ADAMTSL3: variants seen among roughly 807,000 people sequenced by gnomAD.
The protein encoded by ADAMTSL3 is ADAMTS like 3, also known as ADAMTS-like protein 3.
Under a neutral mutation model 201.7 loss-of-function variants are expected in ADAMTSL3, and 128 were observed. The observed-to-expected ratio is 0.63, with a 90% CI of 0.55 to 0.73. ADAMTSL3 has a LOEUF of 0.73. Among genes scored for constraint, ADAMTSL3 ranks in the 30% least tolerant of loss-of-function variants. The pLI, the probability that ADAMTSL3 is intolerant of heterozygous loss-of-function variation, is 0.00. For synonymous variants in ADAMTSL3, 738 were observed against 748.4 expected, an observed-to-expected ratio of 0.99 and a Z score of 0.23; for missense variants, 1,990 against 2,119.6, an observed-to-expected ratio of 0.94 and a Z score of 1.20.
At chr15:83,918,511 G>T (rs577458979) in intron 16 of ADAMTSL3, among the ~76,000 whole-genome samples, 1 of 152,334 alleles carries the variant, frequency 6.6e-6, no homozygotes, top group South Asian at 2.1e-4. Context: ...CTAAACAAAA[G>T]GGGGTTTGGA....
At chr15:83,662,187 T>C (rs2061176971) in intron 2 of ADAMTSL3, among the ~76,000 whole-genome samples, 1 of 147,124 alleles carries the variant, frequency 6.8e-6, no homozygotes, top group African/African-American at 2.5e-5. Flanking sequence ...TGTCCAACAG[T>C]GATAGACTGG....
chr15:83,718,826 G>T (rs1358632022), intron 3 of ADAMTSL3, among the ~76,000 whole-genome samples: 1 of 152,068 alleles, frequency 6.6e-6, no homozygotes, highest in Non-Finnish European at 1.5e-5. Flanking sequence ...CTGTTGGCGG[G>T]TGCTCAGGAA....
At chr15:83,815,071 C>T (rs2063751425) in intron 5 of ADAMTSL3, among the ~76,000 whole-genome samples, 1 of 152,172 alleles carries the variant, frequency 6.6e-6, no homozygotes, top group Non-Finnish European at 1.5e-5. Flanking sequence ...CTCTTCCCTT[C>T]TCCTCCTCTC....
intron 9 of ADAMTSL3, among the ~76,000 whole-genome samples, chr15:83,871,556 C>T (rs758548802): frequency 2.6e-5 from 4 of 152,116 alleles, no homozygotes; most frequent in Admixed American, 1.3e-4. Flanking sequence ...TGCAGTCTTG[C>T]GGTGGGCTGA....
At chr15:83,709,325 C>G (rs143600556) in intron 3 of ADAMTSL3, among the ~76,000 whole-genome samples, 8 of 152,274 alleles carry the variant, frequency 5.3e-5, no homozygotes, top group African/African-American at 1.4e-4. Context: ...TGTTCTAGCA[C>G]TTGGTTGCAT....
In ADAMTSL3 at chr15:83,899,699, A is replaced by C; in HGVS notation, c.1668A>C (p.Leu556=). The change falls in exon 15 of 30, where the codon CTA becomes CTC. Residue 556 remains leucine, a synonymous_variant. Transcript: ENST00000286744. The stretch of plus-strand genomic sequence containing the variant: ...CTTGGCTGAAACAAGCACAAGAACT[A>C]GAAGAGACCAGAATAGCAACAGAAG... ...KLPWLKQAQE[L]EETRIATEEP... is the part of the protein sequence containing the mutation. 6.2e-7 allele frequency: 1 copy of C among 1,612,062 alleles called. No homozygotes were observed. The highest frequency in any genetic ancestry group is 8.5e-7 in the Non-Finnish European group (1 of 1,178,668).
chr15:83,889,972 T>A lies in ADAMTSL3; in HGVS notation c.1073-137T>A. ...TATATTAAAAGCTCCCATGTGGTTC[T>A]GTTATAGAGCCAGGGTTGAGAACCA... On this transcript the variant is annotated intron_variant, in intron 10 of 29. Transcript: ENST00000286744. The A allele has an allele frequency of 4.7e-6, 4 of 854,316 alleles. No individual in the cohort carries two copies. In the South Asian group the frequency reaches 8.0e-5, roughly 17 times the overall value. 52.9% of individuals were successfully genotyped at this position (854,316 alleles called of 1,614,324 possible).
At position 83,959,075 on chromosome 15, in the gene ADAMTSL3, G is replaced by C. The variant is rs575908432; in HGVS notation, c.2491-11409G>C. ...AGAACAAAACTTAATGGCTCAAATTGCCATATTGAAAGGGCACTCTATATA... is the reference window on the plus strand; with the variant it reads ...AGAACAAAACTTAATGGCTCAAATTCCCATATTGAAAGGGCACTCTATATA... On this transcript the variant is annotated intron_variant, in intron 19 of 29. Transcript: ENST00000286744. Among the ~76,000 whole-genome samples the C allele has an allele frequency of 2.1e-3, 325 of 152,256 alleles. 1 individual carries two copies. The highest frequency in any genetic ancestry group is 7.6e-3 in the African/African-American group (315 of 41,526).
chr15:83,711,285 C>T (rs1016662446), intron 3 of ADAMTSL3, among the ~76,000 whole-genome samples: 7 of 152,116 alleles, frequency 4.6e-5, no homozygotes, highest in African/African-American at 9.7e-5. Context: ...TATCACTTGA[C>T]GTTTCCAAGT....
At chr15:83,888,878 T>A (rs2065450357) in intron 10 of ADAMTSL3, among the ~76,000 whole-genome samples, 1 of 152,206 alleles carries the variant, frequency 6.6e-6, no homozygotes, top group African/African-American at 2.4e-5. Flanking sequence ...GTTTATAAAA[T>A]CAGATTCCTC....
In ADAMTSL3 at chr15:84,017,222, A is replaced by G. The variant is rs1264020367; in HGVS notation, c.4273+723A>G. On this transcript the variant is annotated intron_variant, in intron 25 of 29. Coordinates refer to ENST00000286744, the MANE Select transcript of ADAMTSL3 (RefSeq NM_207517.3). ...AAGCTCCGCCTCCCAGGTTCATGCC[A>G]TTCTCCTGCCTCAGCCTCCCAAGTA... 2.0e-5 allele frequency among the ~76,000 whole-genome samples: 3 copies of G among 152,174 alleles called. No homozygotes were observed. In the South Asian group the frequency reaches 6.2e-4, roughly 32 times the overall value.
At chr15:83,737,367 G>A (rs2062384085) in intron 3 of ADAMTSL3, among the ~76,000 whole-genome samples, 1 of 152,168 alleles carries the variant, frequency 6.6e-6, no homozygotes, top group South Asian at 2.1e-4. Context: ...GTCGAAGGAG[G>A]AATCTGGTGG....
intron 9 of ADAMTSL3, 92 bp downstream of exon 9, chr15:83,871,051 A>G (rs1415371862): frequency 1.4e-6 from 2 of 1,452,822 alleles, no homozygotes; most frequent in East Asian, 2.3e-5. Context: ...GAGGTCATCA[A>G]TCATTGTTTT....
intron 3 of ADAMTSL3, among the ~76,000 whole-genome samples, chr15:83,760,061 G>A (rs981863681): frequency 6.6e-6 from 1 of 151,776 alleles, no homozygotes; most frequent in Non-Finnish European, 1.5e-5. Context: ...CATAATTGCT[G>A]TTGTCATCCT....
intron 3 of ADAMTSL3, among the ~76,000 whole-genome samples, chr15:83,706,732 C>G (rs116258962): frequency 0.014 from 2,101 of 152,136 alleles, 51 homozygotes; most frequent in African/African-American, 0.048. Flanking sequence ...CCTCAACCTC[C>G]CCACCCACAC....
chr15:83,674,766 CATATATAT>C (rs377132060), intron 2 of ADAMTSL3, among the ~76,000 whole-genome samples: 1 of 68,952 alleles, frequency 1.5e-5, no homozygotes, highest in African/African-American at 5.4e-5. Context: ...CACATATATA[CATATATAT>C]ATATATATAT....
intron 19 of ADAMTSL3, among the ~76,000 whole-genome samples, chr15:83,958,671 C>G (rs1042222005): frequency 6.6e-6 from 1 of 151,882 alleles, no homozygotes; most frequent in African/African-American, 2.4e-5. Flanking sequence ...AAAATTTGGC[C>G]TTTAAACAGA....
At chr15:83,970,080 C>G (rs2067164254) in intron 19 of ADAMTSL3, among the ~76,000 whole-genome samples, 1 of 151,746 alleles carries the variant, frequency 6.6e-6, no homozygotes, top group Non-Finnish European at 1.5e-5. Context: ...CTCAACAAAA[C>G]TATTAAAAGG....
chr15:83,883,142 CTATTTTATTTTAT>C (rs2065309425), intron 9 of ADAMTSL3, among the ~76,000 whole-genome samples: 1 of 37,346 alleles, frequency 2.7e-5, no homozygotes, highest in Non-Finnish European at 4.6e-5. Context: ...AATACTATTT[CTATTTTATTTTAT>C]TTTATTTTAT....
Sources: allele counts gnomAD v4.1 joint callset (sites outside exome capture counted in the v4.1 genomes callset), GRCh38; gene constraint gnomAD v4.1.1; transcripts MANE v1.5; gene names NCBI Gene and HGNC (gene_info 2026-07-23, HGNC 2026-07-21).